Variants in LONP2 observed in about 807,000 individuals in gnomAD.
The protein encoded by LONP2 is lon peptidase 2, peroxisomal.
A neutral mutation model predicts 85.6 loss-of-function variants in LONP2; 60 were observed. That is an observed-to-expected ratio of 0.70 (90% CI 0.57 to 0.87). The LOEUF is 0.87. Among genes scored for constraint, LONP2 ranks in the 40% least tolerant of loss-of-function variants. The probability of loss-of-function intolerance (pLI) is 0.00; values close to 1 mark genes in which losing one functional copy is unlikely to be tolerated. For missense variants in LONP2, 860 were observed against 1,063.5 expected, an observed-to-expected ratio of 0.81 and a Z score of 2.66; for synonymous variants, 395 against 389.7, an observed-to-expected ratio of 1.01 and a Z score of -0.16.
intron 1 of LONP2, 97 bp downstream of exon 1, chr16:48,244,718 C>T (rs1163977091): frequency 7.9e-6 from 7 of 888,088 alleles, no homozygotes; most frequent in Non-Finnish European, 1.1e-5. Flanking sequence ...AGGCTCAGTT[C>T]GGGGCGGCCT....
intron 11 of LONP2, among the ~76,000 whole-genome samples, chr16:48,307,083 T>A (rs1972926322): frequency 6.6e-6 from 1 of 152,208 alleles, no homozygotes; most frequent in Non-Finnish European, 1.5e-5. Context: ...TGTGAACAGT[T>A]GTCTTTGTAT....
chr16:48,299,729 TG>T lies in LONP2; in HGVS notation c.1605del (p.Leu536Ter). On this transcript the variant is annotated frameshift_variant, in exon 10 of 15. Coordinates refer to ENST00000285737, the MANE Select transcript of LONP2 (RefSeq NM_031490.5). LOFTEE classifies it high-confidence loss of function. ...TGATCCCCAAGCAGCTGGAACAACATGGGCTGACTCCACAGCAGATTCAGAT... is the reference window on the plus strand; with the variant it reads ...TGATCCCCAAGCAGCTGGAACAACATGGCTGACTCCACAGCAGATTCAGAT... ...HLIPKQLEQH[G>X]LTPQQIQIPQ... 1 of 1,614,082 alleles carries T rather than the reference TG, an allele frequency of 6.2e-7. No homozygotes were observed.
intron 8 of LONP2, among the ~76,000 whole-genome samples, chr16:48,280,803 G>A (rs2150984516): frequency 6.6e-6 from 1 of 152,266 alleles, no homozygotes; most frequent in South Asian, 2.1e-4. Flanking sequence ...AGACCTCACA[G>A]ATTGTTGAAA....
Position 48,270,099 on chromosome 16 carries a change from T to A in LONP2, c.1066T>A (p.Tyr356Asn). 1 of 1,614,038 alleles carries A rather than the reference T, an allele frequency of 6.2e-7. No individual in the cohort carries two copies. Among genetic ancestry groups the A allele is most frequent in the Non-Finnish European group, 8.5e-7 (1 of 1,179,966 alleles). Residue 356 changes from tyrosine to asparagine, a missense_variant, in exon 7 of 15, where the codon TAC becomes AAC. Tyr to Asn is a moderately radical substitution (Grantham distance 143). This residue lies in a region of LONP2 where 743 missense variants were observed against 917.3 expected (regional missense o/e 0.81). Coordinates refer to ENST00000285737, the MANE Select transcript of LONP2 (RefSeq NM_031490.5). ...AAAATTGAAGAAAAGAGTACTGGAA[T>A]ACTTGGCTGTCAGACAGCTCAAAAA... Reference protein sequence around the residue: ...MEKLKKRVLEYLAVRQLKNNL... With the variant: ...MEKLKKRVLENLAVRQLKNNL...
At chr16:48,264,951 T>TTTG (rs1555477435) in intron 6 of LONP2, among the ~76,000 whole-genome samples, 1 of 152,090 alleles carries the variant, frequency 6.6e-6, no homozygotes, top group African/African-American at 2.4e-5. Flanking sequence ...ATGATGGTTT[T>TTTG]TTTGTTTGTT....
Position 48,252,192 on chromosome 16 carries a change from A to C in LONP2, c.295A>C (p.Thr99Pro). The C allele has an allele frequency of 6.2e-7, 1 of 1,613,668 alleles. No homozygotes were observed. Among genetic ancestry groups the C allele is most frequent in the Non-Finnish European group, 8.5e-7 (1 of 1,179,668 alleles). ...VGSNWPKPHY[T>P]LLITGLCRFQ... ...CAGTAACTGGCCCAAGCCCCACTAC[A>C]CTCTGTTGATTACAGGCCTATGCCG... Residue 99 changes from threonine (T) to proline (P), a missense_variant, in exon 2 of 15, where the codon ACT becomes CCT. Around this residue, in one of 3 missense-constraint regions of LONP2, gnomAD observed 743 missense variants for 917.3 expected, o/e 0.81. Transcript: ENST00000285737.
intron 7 of LONP2, among the ~76,000 whole-genome samples, chr16:48,274,828 T>C (rs1432183820): frequency 6.6e-6 from 1 of 152,240 alleles, no homozygotes; most frequent in Non-Finnish European, 1.5e-5. Flanking sequence ...TGTAATCCTG[T>C]CATTTTCACT....
Position 48,258,638 on chromosome 16 carries a change from A to G in LONP2, c.621A>G (p.Leu207=). ...CTTAGATTTTAGATGCTGTGAGCCT[A>G]GAGGAGCGGTTCAAGATGACTATAC... ...EKLQILDAVS[L]EERFKMTIPL... The change falls in exon 4 of 15, where the codon CTA becomes CTG. Residue 207 remains leucine, a synonymous_variant. Coordinates refer to ENST00000285737, the MANE Select transcript of LONP2 (RefSeq NM_031490.5). 1 of 1,604,600 alleles carries G rather than the reference A, an allele frequency of 6.2e-7. No individual in the cohort carries two copies. Among genetic ancestry groups the G allele is most frequent in the Non-Finnish European group, 8.5e-7 (1 of 1,176,298 alleles).
At chr16:48,268,273 G>A (rs1285767473) in intron 6 of LONP2, among the ~76,000 whole-genome samples, 1 of 152,124 alleles carries the variant, frequency 6.6e-6, no homozygotes, top group Non-Finnish European at 1.5e-5. Context: ...TTTTAAAATT[G>A]TCTTTACTTG....
intron 12 of LONP2, chr16:48,336,404 G>C (rs1202590352): frequency 6.6e-6 from 3 of 456,262 alleles, no homozygotes; most frequent in South Asian, 4.6e-5. Context: ...TAGCATCTTA[G>C]AATGGAAGAT....
intron 11 of LONP2, among the ~76,000 whole-genome samples, chr16:48,328,939 T>A (rs1959348406): frequency 6.6e-6 from 1 of 152,102 alleles, no homozygotes; most frequent in Admixed American, 6.5e-5. Flanking sequence ...TCCCAGCAGC[T>A]CTCTGAGAGT....
intron 11 of LONP2, among the ~76,000 whole-genome samples, chr16:48,332,405 G>A (rs561306543): frequency 3.3e-5 from 5 of 151,608 alleles, no homozygotes; most frequent in African/African-American, 4.8e-5. Flanking sequence ...GTGAAACCCC[G>A]TCTCTACTAA....
chr16:48,361,711 G>A, downstream of LONP2: 1 of 1,614,180 alleles, frequency 6.2e-7, no homozygotes, highest in East Asian at 2.2e-5. Flanking sequence ...ATAGATCGAG[G>A]AGTCGCTTCC....
intron 11 of LONP2, among the ~76,000 whole-genome samples, chr16:48,325,084 G>C (rs1273134123): frequency 6.6e-6 from 1 of 152,096 alleles, no homozygotes. Flanking sequence ...GTGGGGTGGT[G>C]GTTTCAGGAT....
intron 6 of LONP2, among the ~76,000 whole-genome samples, chr16:48,268,730 T>C (rs56270052): frequency 0.014 from 2,085 of 152,226 alleles, 47 homozygotes; most frequent in African/African-American, 0.047. Context: ...GAAATTTTAG[T>C]TGTTCTTCTC....
At chr16:48,322,574 T>G (rs142489741) in intron 11 of LONP2, among the ~76,000 whole-genome samples, 1 of 152,114 alleles carries the variant, frequency 6.6e-6, no homozygotes, top group African/African-American at 2.4e-5. Flanking sequence ...TCTAAAATAA[T>G]GATGAAAAGC....
At chr16:48,248,885 G>GAAAA (rs768247989) in intron 1 of LONP2, among the ~76,000 whole-genome samples, 1 of 91,424 alleles carries the variant, frequency 1.1e-5, no homozygotes, top group Non-Finnish European at 2.3e-5. Context: ...CTGTCTATAG[G>GAAAA]AAAAAAAAAA....
intron 1 of LONP2, 102 bp downstream of exon 1, chr16:48,244,723 C>A: frequency 1.3e-6 from 1 of 796,186 alleles, no homozygotes. Flanking sequence ...CAGTTCGGGG[C>A]GGCCTTCGCG....
intron 11 of LONP2, among the ~76,000 whole-genome samples, chr16:48,312,717 A>AT (rs1973059848): frequency 6.6e-6 from 1 of 152,208 alleles, no homozygotes; most frequent in South Asian, 2.1e-4. Context: ...CCAAGGCACT[A>AT]TGCAGTTGTA....
Sources: gnomAD v4.1 joint callset for allele counts (sites outside exome capture counted in the v4.1 genomes callset) on GRCh38, gnomAD v4.1.1 for gene constraint, gnomAD v4.1.1 regional missense constraint, MANE v1.5 for transcripts, NCBI Gene and HGNC (gene_info 2026-07-23, HGNC 2026-07-21) for gene names.